The following TEX9 variants were observed in gnomAD, a reference collection of about 807,000 sequenced individuals.
TEX9 encodes testis-expressed protein 9.
A neutral mutation model predicts 59.6 loss-of-function variants in TEX9; 74 were observed. That is an observed-to-expected ratio of 1.24 (90% CI 1.03 to 1.51). TEX9 has a LOEUF of 1.51. Among genes scored for constraint, TEX9 ranks in the 40% most tolerant of loss-of-function variants. TEX9 has a pLI of 0.00. For missense variants in TEX9, 522 were observed against 447.8 expected, an observed-to-expected ratio of 1.17 and a Z score of -1.49; for synonymous variants, 186 against 152.2, an observed-to-expected ratio of 1.22 and a Z score of -1.64.
At chr15:56,375,530 T>G (rs1384463919) in intron 3 of TEX9, among the ~76,000 whole-genome samples, 6 of 152,256 alleles carry the variant, frequency 3.9e-5, no homozygotes, top group Admixed American at 3.3e-4. Context: ...TTAGATCCCA[T>G]TTGTCAATTT....
rs192379914 is a variant in TEX9 at position 56,280,855 on chromosome 15, A to C, written c.-107+36577A>C. Among the ~76,000 whole-genome samples, 4 of 152,350 alleles carry C rather than the reference A, an allele frequency of 2.6e-5. No individual in the cohort carries two copies. The East Asian group carries it at 7.7e-4, about 29-fold the overall frequency. On this transcript the variant is annotated intron_variant, in intron 1 of 5. Coordinates refer to the TEX9 transcript ENST00000560827. ...ATGTTATTGCAAAGCCAGATGAATA[A>C]CTTACGCCTAGCATAGATCTGCTAA...
chr15:56,448,313 T>C (rs1317856881), downstream of TEX9, among the ~76,000 whole-genome samples: 2 of 152,206 alleles, frequency 1.3e-5, no homozygotes, highest in African/African-American at 4.8e-5. Context: ...TATTGTGTGA[T>C]ACTGAGGTTT....
chr15:56,264,548 C>A (rs1171874373), intron 1 of TEX9, among the ~76,000 whole-genome samples: 1 of 152,120 alleles, frequency 6.6e-6, no homozygotes, highest in Non-Finnish European at 1.5e-5. Flanking sequence ...AATTTTCTTA[C>A]ATGGTCTTTT....
intron 1 of TEX9, among the ~76,000 whole-genome samples, chr15:56,253,170 G>T (rs1232966701): frequency 6.6e-6 from 1 of 152,108 alleles, no homozygotes; most frequent in Non-Finnish European, 1.5e-5. Context: ...GCTGCTGCAA[G>T]AAATTCCTTG....
chr15:56,436,487 G>A (rs1392014961), intron 12 of TEX9, among the ~76,000 whole-genome samples: 1 of 152,094 alleles, frequency 6.6e-6, no homozygotes, highest in Non-Finnish European at 1.5e-5. Flanking sequence ...AGCACTAAAT[G>A]CCCACAAGAA....
At chr15:56,270,044 C>T (rs1456282975) in intron 1 of TEX9, among the ~76,000 whole-genome samples, 1 of 152,176 alleles carries the variant, frequency 6.6e-6, no homozygotes, top group African/African-American at 2.4e-5. Context: ...TTTACATTTG[C>T]TGAGGAGTGC....
At chr15:56,252,100 C>G (rs1203539406) in intron 1 of TEX9, among the ~76,000 whole-genome samples, 3 of 152,152 alleles carry the variant, frequency 2.0e-5, no homozygotes, top group African/African-American at 7.2e-5. Context: ...CTTATCCATT[C>G]CCTACCCACT....
intron 1 of TEX9, among the ~76,000 whole-genome samples, chr15:56,283,752 C>T (rs547546467): frequency 6.6e-6 from 1 of 151,262 alleles, no homozygotes; most frequent in East Asian, 1.9e-4. Context: ...CTGTATTTAC[C>T]CCCCCTTCAA....
chr15:56,311,842 G>A (rs1390224737), intron 1 of TEX9, among the ~76,000 whole-genome samples: 5 of 148,896 alleles, frequency 3.4e-5, no homozygotes, highest in African/African-American at 1.2e-4. Flanking sequence ...CATTCTAACT[G>A]GTGTGAGATG....
At chr15:56,454,256 G>C in the TEX9 span, among the ~76,000 whole-genome samples, 2 of 151,988 alleles carry the variant, frequency 1.3e-5, no homozygotes, top group African/African-American at 4.8e-5. Context: ...ATATTTATGG[G>C]GTACATGAGA....
In TEX9 at chr15:56,251,644, A is replaced by G. The variant is rs927869575; in HGVS notation, c.-107+7366A>G. ...CATTAGACAACAACCAGAAGAGGCA[A>G]TGATTAAGCAGAAACTGTGTGAAGA... On this transcript the variant is annotated intron_variant, in intron 1 of 5. Transcript: ENST00000560827. Among the ~76,000 whole-genome samples the G allele has an allele frequency of 3.9e-5, 6 of 152,270 alleles. No individual in the cohort carries two copies. The East Asian group carries it at 5.8e-4, about 15-fold the overall frequency.
At chr15:56,363,657 T>G (rs961281246), upstream of TEX9, among the ~76,000 whole-genome samples, 1 of 151,880 alleles carries the variant, frequency 6.6e-6, no homozygotes, top group Non-Finnish European at 1.5e-5. Context: ...TTAAAAATTT[T>G]TTTAAATTGT....
At chr15:56,310,389 G>A (rs2141618332) in intron 1 of TEX9, among the ~76,000 whole-genome samples, 1 of 152,312 alleles carries the variant, frequency 6.6e-6, no homozygotes, top group South Asian at 2.1e-4. Flanking sequence ...CCGAGATTGG[G>A]CCATTGCACT....
At chr15:56,431,742 A>T (rs2050603006) in intron 12 of TEX9, among the ~76,000 whole-genome samples, 1 of 152,048 alleles carries the variant, frequency 6.6e-6, no homozygotes, top group Non-Finnish European at 1.5e-5. Context: ...TTTTCAGGAA[A>T]GTGTCTTCAT....
intron 1 of TEX9, among the ~76,000 whole-genome samples, chr15:56,288,744 G>T (rs1156577128): frequency 6.6e-6 from 1 of 151,930 alleles, no homozygotes; most frequent in Non-Finnish European, 1.5e-5. Flanking sequence ...CTGATTGGAG[G>T]CTTTTAACTT....
chr15:56,277,197 T>G (rs778245948), intron 1 of TEX9, among the ~76,000 whole-genome samples: 5 of 152,194 alleles, frequency 3.3e-5, no homozygotes, highest in Admixed American at 2.6e-4. Flanking sequence ...ATTTGTCAAT[T>G]TTGGCCTCTG....
At chr15:56,384,080 G>A in intron 4 of TEX9, 49 bp downstream of exon 4, 1 of 1,413,810 alleles carries the variant, frequency 7.1e-7, no homozygotes, top group Non-Finnish European at 9.8e-7. Context: ...GATGTACATG[G>A]ATCGTTATGT....
intron 1 of TEX9, among the ~76,000 whole-genome samples, chr15:56,283,399 C>G (rs1567072730): frequency 6.6e-6 from 1 of 151,992 alleles, no homozygotes; most frequent in African/African-American, 2.4e-5. Flanking sequence ...CATATTATAA[C>G]TGTGCAGTTA....
At chr15:56,353,273 C>T (rs2046620234) in intron 1 of TEX9, among the ~76,000 whole-genome samples, 1 of 152,158 alleles carries the variant, frequency 6.6e-6, no homozygotes, top group Non-Finnish European at 1.5e-5. Flanking sequence ...ACAGCCATGA[C>T]TAATCTGTTA....
Sources: allele counts gnomAD v4.1 joint callset (sites outside exome capture counted in the v4.1 genomes callset), GRCh38; gene constraint gnomAD v4.1.1; transcripts MANE v1.5; gene names NCBI Gene and HGNC (gene_info 2026-07-23, HGNC 2026-07-21).